The following ABCC11 variants were observed in gnomAD, a reference collection of about 807,000 sequenced individuals.
ABCC11 encodes ATP binding cassette subfamily C member 11.
ABCC11 carries 135 observed loss-of-function variants against 149.3 expected under a neutral mutation model. The observed-to-expected ratio is 0.90, with a 90% CI of 0.79 to 1.04. The LOEUF is 1.04. Ranked by LOEUF, ABCC11 falls within the 50% of genes least tolerant of loss-of-function variation. The pLI, the probability that ABCC11 is intolerant of heterozygous loss-of-function variation, is 0.00. For missense variants in ABCC11, 1,680 were observed against 1,722.1 expected (o/e 0.98, Z 0.43); for synonymous variants, 665 against 671.4 (o/e 0.99, Z 0.15).
Position 48,211,073 on chromosome 16 carries a change from G to A in ABCC11, c.1483C>T (p.Leu495=), listed in dbSNP as rs1197204970. The change falls in exon 11 of 30, where the codon CTG becomes TTG. Residue 495 remains leucine, a synonymous_variant. Transcript: ENST00000356608. ...QTCPGIVNGA[L]ELERNGHASE... ...GCATGCCCGTTCCTCTCCAGCTCCAGTGCCCCATTGACGATCCCGGGACAG... is the reference window on the plus strand; with the variant it reads ...GCATGCCCGTTCCTCTCCAGCTCCAATGCCCCATTGACGATCCCGGGACAG... 6.8e-6 allele frequency: 11 copies of A among 1,614,056 alleles called. No homozygotes were observed. The highest frequency in any genetic ancestry group is 9.3e-6 in the Non-Finnish European group (11 of 1,180,024).
At chr16:48,177,894 G>T (rs1302216485) in intron 24 of ABCC11, among the ~76,000 whole-genome samples, 2 of 152,206 alleles carry the variant, frequency 1.3e-5, no homozygotes, top group African/African-American at 4.8e-5. Context: ...AGTTCTGCCT[G>T]GCCCAACCTC....
At chr16:48,241,052 A>C (rs1032702871) in intron 1 of ABCC11, among the ~76,000 whole-genome samples, 2 of 152,098 alleles carry the variant, frequency 1.3e-5, no homozygotes, top group Admixed American at 6.6e-5. Context: ...ATCCTGCCTC[A>C]GCCTCCCAAG....
intron 24 of ABCC11, 54 bp from the exon 25 acceptor site, chr16:48,177,167 T>C: frequency 6.5e-7 from 1 of 1,538,262 alleles, no homozygotes; most frequent in Non-Finnish European, 8.8e-7. Context: ...TCTCGGCCCA[T>C]CCCCTGCGGG....
At chr16:48,187,605 C>T (rs1178834460) in intron 20 of ABCC11, among the ~76,000 whole-genome samples, 178 bp from the exon 21 acceptor site, 1 of 152,172 alleles carries the variant, frequency 6.6e-6, no homozygotes, top group Non-Finnish European at 1.5e-5. Flanking sequence ...CTGACTCCTC[C>T]ACCTACTGCT....
At chr16:48,178,721 C>T in intron 23 of ABCC11, 35 bp from the exon 24 acceptor site, 2 of 1,593,146 alleles carry the variant, frequency 1.3e-6, no homozygotes, top group South Asian at 2.2e-5. Context: ...GGTCAAGAGG[C>T]TGCTGGGGTG....
chr16:48,172,007 C>T (rs1965752806), intron 26 of ABCC11, among the ~76,000 whole-genome samples: 1 of 152,000 alleles, frequency 6.6e-6, no homozygotes, highest in Non-Finnish European at 1.5e-5. Context: ...TCATTATCCC[C>T]AACAAAAACT....
At position 48,230,497 on chromosome 16, in the gene ABCC11, G is replaced by A. The variant is rs767297993; in HGVS notation, c.176C>T (p.Pro59Leu). 5 of 1,612,360 alleles carry A rather than the reference G, an allele frequency of 3.1e-6. No homozygotes were observed. The highest frequency in any genetic ancestry group is 4.2e-6 in the Non-Finnish European group (5 of 1,179,256). The change falls in exon 3 of 30, where the codon CCA becomes CTA. Residue 59 changes from proline (P) to leucine (L), a missense_variant. By Grantham distance (98) the Pro-to-Leu change is moderately conservative. Transcript: ENST00000356608. The part of the protein sequence containing the change: ...NPEAPGRAAV[P>L]PWGKYDAALR... ...GGCAGCATCATACTTCCCCCACGGT[G>A]GGACAGCTGCCCTCCCTGGAGCCTC...
At chr16:48,192,799 T>TGA in intron 19 of ABCC11, 82 bp from the exon 20 acceptor site, 1 of 1,356,846 alleles carries the variant, frequency 7.4e-7, no homozygotes, top group Non-Finnish European at 1.0e-6. Context: ...TGGGGCCACG[T>TGA]GAGAATCTGT....
chr16:48,197,329 A>G (rs556820473), intron 17 of ABCC11, among the ~76,000 whole-genome samples: 1 of 152,316 alleles, frequency 6.6e-6, no homozygotes, highest in South Asian at 2.1e-4. Context: ...TCTAAAAAAA[A>G]AAGACTCAGT....
chr16:48,173,482 T>A (rs1965843897), intron 26 of ABCC11, among the ~76,000 whole-genome samples: 1 of 152,222 alleles, frequency 6.6e-6, no homozygotes, highest in Non-Finnish European at 1.5e-5. Flanking sequence ...CACATATAAA[T>A]GCTCAATAAA....
intron 6 of ABCC11, 39 bp downstream of exon 6, chr16:48,222,559 G>A (rs1969814434): frequency 6.4e-7 from 1 of 1,568,588 alleles, no homozygotes; most frequent in Non-Finnish European, 8.8e-7. Flanking sequence ...AGGAAGGGTA[G>A]GGAAGCATGG....
chr16:48,195,896 G>A (rs987808671), intron 18 of ABCC11, among the ~76,000 whole-genome samples: 2 of 152,170 alleles, frequency 1.3e-5, no homozygotes, highest in African/African-American at 2.4e-5. Context: ...CACTTTGGGA[G>A]GCTGAGATGG....
At chr16:48,175,464 T>C in intron 25 of ABCC11, 47 bp from the exon 26 acceptor site, 3 of 1,573,720 alleles carry the variant, frequency 1.9e-6, no homozygotes, top group Non-Finnish European at 2.6e-6. Flanking sequence ...GCATCTGCAC[T>C]AGCGGAAGCA....
intron 6 of ABCC11, among the ~76,000 whole-genome samples, chr16:48,222,210 G>A (rs1468410751): frequency 2.0e-5 from 3 of 151,690 alleles, no homozygotes; most frequent in Admixed American, 1.3e-4. Flanking sequence ...TACAAGACAT[G>A]AGCCACCACA....
Position 48,175,468 on chromosome 16 carries a change from G to A in ABCC11, c.3539-51C>T, listed in dbSNP as rs751921162. 37 of 1,565,366 alleles carry A rather than the reference G, an allele frequency of 2.4e-5. No homozygotes were observed. In the Middle Eastern group the frequency reaches 7.4e-4, roughly 31 times the overall value. ...CTCAGTTTCCTGCATCTGCACTAGC[G>A]GAAGCACAGATCGCACCTGGCGATC... On this transcript the variant is annotated intron_variant, in intron 25 of 29. Coordinates refer to ENST00000356608, the MANE Select transcript of ABCC11 (RefSeq NM_001370497.1).
At chr16:48,217,711 T>C (rs569988640) in intron 6 of ABCC11, among the ~76,000 whole-genome samples, 2 of 152,366 alleles carry the variant, frequency 1.3e-5, no homozygotes, top group South Asian at 4.1e-4. Flanking sequence ...GATTTGCTTT[T>C]AACTTTCACC....
At chr16:48,217,424 C>T (rs749347482) in intron 6 of ABCC11, among the ~76,000 whole-genome samples, 12 of 151,888 alleles carry the variant, frequency 7.9e-5, no homozygotes, top group African/African-American at 2.9e-4. Context: ...GGTGAAACCC[C>T]GTCTCTATAA....
At chr16:48,167,388 G>A (rs1451220480) in intron 29 of ABCC11, 22 bp from the exon 30 acceptor site, 1 of 1,490,162 alleles carries the variant, frequency 6.7e-7, no homozygotes, top group Non-Finnish European at 9.4e-7. Context: ...AGAAAGGCGA[G>A]GGGAGGATCA....
chr16:48,186,081 T>G (rs927234456), intron 22 of ABCC11, among the ~76,000 whole-genome samples: 16 of 152,172 alleles, frequency 1.1e-4, no homozygotes, highest in Non-Finnish European at 2.1e-4. Flanking sequence ...GCTGAATGAA[T>G]GCACCGCTCC....
Sources: allele counts gnomAD v4.1 joint callset (sites outside exome capture counted in the v4.1 genomes callset), GRCh38; gene constraint gnomAD v4.1.1; transcripts MANE v1.5; gene names NCBI Gene and HGNC (gene_info 2026-07-23, HGNC 2026-07-21).